The following FAM89A variants were observed in gnomAD, a reference collection of about 807,000 sequenced individuals.
FAM89A encodes protein FAM89A.
FAM89A carries 10 observed loss-of-function variants against 7.1 expected under a neutral mutation model. The ratio of observed to expected loss-of-function variants is 1.40; its 90% CI spans 0.86 to 2.38. The LOEUF (loss-of-function observed/expected upper bound fraction) is 2.38, where lower values mean the gene tolerates loss of function less well. FAM89A is among the 30% of genes most tolerant of loss of function. FAM89A has a pLI of 0.00. For synonymous variants in FAM89A, 157 were observed against 129.3 expected, an observed-to-expected ratio of 1.21 and a Z score of -1.45; for missense variants, 276 against 262.8, an observed-to-expected ratio of 1.05 and a Z score of -0.35.
intron 1 of FAM89A, among the ~76,000 whole-genome samples, chr1:231,024,366 A>G (rs1679927092): frequency 6.6e-6 from 1 of 152,210 alleles, no homozygotes; most frequent in Non-Finnish European, 1.5e-5. Flanking sequence ...GGCCTGGTAA[A>G]AAGTGATCAT....
chr1:231,025,031 T>A lies in FAM89A; in HGVS notation c.292-4905A>T, dbSNP rs189181055. 5.0e-3 allele frequency among the ~76,000 whole-genome samples: 751 copies of A among 149,346 alleles called. 11 individuals are homozygous for A. The highest frequency in any genetic ancestry group is 0.017 in the African/African-American group (708 of 40,628). On this transcript the variant is annotated intron_variant, in intron 1 of 1. Transcript: ENST00000366654. ...TCTGCCTCCTGGGTTCACCCCATTCTCCTGCCTCAGCCTCCCGAGTAGCTG... is the reference window on the plus strand; with the variant it reads ...TCTGCCTCCTGGGTTCACCCCATTCACCTGCCTCAGCCTCCCGAGTAGCTG...
rs1399842155 is a variant in FAM89A, at chr1:231,021,755, C to T, written c.292-1629G>A. 6 of 1,602,222 alleles carry T rather than the reference C, an allele frequency of 3.7e-6. No homozygotes were observed. In the African/African-American group the frequency reaches 6.7e-5, roughly 18 times the overall value. The stretch of plus-strand genomic sequence containing the variant: ...AACTGCTGGAGATGAAATTGTTGAC[C>T]TCACTTGTGAATCTTTAGAGCCTGT... On this transcript the variant is annotated intron_variant, in intron 1 of 1. Transcript: ENST00000366654.
In FAM89A at chr1:231,040,008, G is replaced by GC; in HGVS notation, c.203dup (p.Gly71ArgfsTer74). On this transcript the variant is annotated frameshift_variant, in exon 1 of 2. Coordinates refer to ENST00000366654, the MANE Select transcript of FAM89A (RefSeq NM_198552.3). LOFTEE classifies it high-confidence loss of function. The stretch of plus-strand genomic sequence containing the variant: ...CCGCCCGGGCCCCGCCGCCGCCCGG[G>GC]CCCCCGCGGCTCAGCTCGTCCTGGA... The GC allele has an allele frequency of 7.1e-7, 1 of 1,414,068 alleles. No homozygotes were observed. Among genetic ancestry groups the GC allele is most frequent in the Non-Finnish European group, 9.2e-7 (1 of 1,087,898 alleles). The allele number at this position is 1,414,068 out of a possible 1,614,324, so 87.6% of individuals were successfully genotyped here. A position where few individuals can be genotyped will look rare whatever the true frequency, so the allele number is the denominator to read the frequency against.
At position 231,032,050 on chromosome 1, in the gene FAM89A, CCA is replaced by C. The variant is rs201059385; in HGVS notation, c.291+7869_291+7870del. Among the ~76,000 whole-genome samples, 973 of 152,216 alleles carry C rather than the reference CCA, an allele frequency of 6.4e-3. 13 individuals are homozygous for C. Among genetic ancestry groups the C allele is most frequent in the African/African-American group, 0.022 (894 of 41,526 alleles). On this transcript the variant is annotated intron_variant, in intron 1 of 1. Coordinates refer to ENST00000366654, the MANE Select transcript of FAM89A (RefSeq NM_198552.3). ...AATGTAATGGGAAGAAAGACGTTTA[CCA>C]ATAAAGTGATTCAATTTGGACTACT...
chr1:231,040,005 C>T lies in FAM89A; in HGVS notation c.207G>A (p.Pro69=). 3 of 1,408,416 alleles carry T rather than the reference C, an allele frequency of 2.1e-6. No homozygotes were observed. The highest frequency in any genetic ancestry group is 1.8e-6 in the Non-Finnish European group (2 of 1,085,806). 87.2% of individuals were successfully genotyped at this position (1,408,416 alleles called of 1,614,324 possible). ...RIQDELSRGG[P]GGGGARAAAL... ...CTGCCGCCCGGGCCCCGCCGCCGCC[C>T]GGGCCCCCGCGGCTCAGCTCGTCCT... The change falls in exon 1 of 2, where the codon CCG becomes CCA. Residue 69 remains proline (P), a synonymous_variant. Transcript: ENST00000366654.
intron 1 of FAM89A, among the ~76,000 whole-genome samples, chr1:231,027,689 C>T (rs1029069123): frequency 6.6e-6 from 1 of 152,226 alleles, no homozygotes; most frequent in Admixed American, 6.5e-5. Context: ...GATCCGTAGG[C>T]AGCACTCCAC....
chr1:231,031,461 G>A (rs539120940), intron 1 of FAM89A, among the ~76,000 whole-genome samples: 1 of 152,222 alleles, frequency 6.6e-6, no homozygotes, highest in South Asian at 2.1e-4. Context: ...ATCAAGCACA[G>A]TCATATGAAA....
At chr1:231,029,596 C>A (rs987384884) in intron 1 of FAM89A, among the ~76,000 whole-genome samples, 4 of 152,160 alleles carry the variant, frequency 2.6e-5, no homozygotes, top group Non-Finnish European at 4.4e-5. Flanking sequence ...GAAATGGGTG[C>A]TTTGACAATC....
intron 1 of FAM89A, chr1:231,022,079 G>C (rs954932944): frequency 2.1e-6 from 3 of 1,406,958 alleles, no homozygotes; most frequent in African/African-American, 2.8e-5. Flanking sequence ...ATGTGGCCAT[G>C]TCTTCTGTAG....
chr1:231,028,560 G>C (rs907521957), intron 1 of FAM89A: 1 of 152,150 alleles, frequency 6.6e-6, no homozygotes, highest in Non-Finnish European at 1.5e-5. Context: ...CTTGGAGGAC[G>C]GCTGGTCTCC....
chr1:231,038,703 A>G (rs1324036191), intron 1 of FAM89A, among the ~76,000 whole-genome samples: 1 of 152,272 alleles, frequency 6.6e-6, no homozygotes, highest in African/African-American at 2.4e-5. Flanking sequence ...TAGGAAGACA[A>G]TATCTCTTTG....
intron 1 of FAM89A, chr1:231,021,738 G>C: frequency 6.2e-7 from 1 of 1,601,414 alleles, no homozygotes; most frequent in Non-Finnish European, 8.6e-7. Context: ...GAAACTGCTG[G>C]AGATGAAATT....
At chr1:231,021,027 C>T (rs1453341501) in intron 1 of FAM89A, among the ~76,000 whole-genome samples, 1 of 152,124 alleles carries the variant, frequency 6.6e-6, no homozygotes, top group Non-Finnish European at 1.5e-5. Context: ...GCATGAGAAC[C>T]ACCCGGGGAT....
intron 1 of FAM89A, among the ~76,000 whole-genome samples, chr1:231,039,543 G>C (rs1004147333): frequency 6.6e-6 from 1 of 152,190 alleles, no homozygotes; most frequent in Non-Finnish European, 1.5e-5. Context: ...GGGCCGCTGT[G>C]AAAGCCTTTC....
rs1307630114 is a variant in FAM89A at position 231,020,141 on chromosome 1, T to C, written c.292-15A>G. 1.3e-6 allele frequency: 2 copies of C among 1,579,592 alleles called. No individual in the cohort carries two copies. The highest frequency in any genetic ancestry group is 2.7e-5 in the African/African-American group (2 of 73,230). On this transcript the variant is annotated splice_polypyrimidine_tract_variant and intron_variant, in intron 1 of 1. Coordinates refer to ENST00000366654, the MANE Select transcript of FAM89A (RefSeq NM_198552.3). ...CGGAGACCAACCTTGAGGGAAGGGG[T>C]GGGGAGGTAAAAAACGAGAAGTCAG...
At chr1:231,031,948 G>A (rs4339848) in intron 1 of FAM89A, among the ~76,000 whole-genome samples, 14,936 of 152,210 alleles carry the variant, frequency 0.098, 1,279 homozygotes, top group East Asian at 0.34. Context: ...GGGACAAGGA[G>A]GACAAGGAGA....
Position 231,040,191 on chromosome 1 carries a change from C to A in FAM89A, c.21G>T (p.Ala7=). The change falls in exon 1 of 2, where the codon GCG becomes GCT. Residue 7 remains alanine, a synonymous_variant. Coordinates refer to ENST00000366654, the MANE Select transcript of FAM89A (RefSeq NM_198552.3). The part of the protein sequence containing the change: MSGARA[A]PGAAGNGAVR... ...CCGCGCCGTTGCCCGCGGCCCCGGG[C>A]GCCGCCCGGGCCCCACTCATCGCGC... is the stretch of plus-strand genomic sequence containing the variant. The A allele has an allele frequency of 1.8e-6, 2 of 1,109,228 alleles. No homozygotes were observed. Among genetic ancestry groups the A allele is most frequent in the Non-Finnish European group, 2.2e-6 (2 of 912,882 alleles). The allele number at this position is 1,109,228 out of a possible 1,614,324, so 68.7% of individuals were successfully genotyped here.
At chr1:231,026,778 C>T (rs1225309088) in intron 1 of FAM89A, 7 of 152,154 alleles carry the variant, frequency 4.6e-5, no homozygotes, top group Non-Finnish European at 1.0e-4. Context: ...AACATGCCCC[C>T]AGGAGTCTGA....
At chr1:231,034,280 T>C (rs1680122401) in intron 1 of FAM89A, among the ~76,000 whole-genome samples, 2 of 152,158 alleles carry the variant, frequency 1.3e-5, no homozygotes, top group South Asian at 4.1e-4. Context: ...GAAAGAACCA[T>C]AGAGGCATGA....
Sources: gnomAD v4.1 joint callset for allele counts (sites outside exome capture counted in the v4.1 genomes callset) on GRCh38, gnomAD v4.1.1 for gene constraint, MANE v1.5 for transcripts, NCBI Gene and HGNC (gene_info 2026-07-23, HGNC 2026-07-21) for gene names.